The following PELI2 variants were observed in gnomAD, a reference collection of about 807,000 sequenced individuals.
PELI2 encodes pellino E3 ubiquitin protein ligase family member 2.
A neutral mutation model predicts 42.3 loss-of-function variants in PELI2; 23 were observed. The ratio of observed to expected loss-of-function variants is 0.54; its 90% confidence interval spans 0.39 to 0.77. PELI2 has a LOEUF of 0.77. PELI2 is among the 30% of genes least tolerant of loss of function. PELI2 has a pLI of 0.00. For missense variants in PELI2, 463 were observed against 553.2 expected (o/e 0.84, Z 1.64); for synonymous variants, 245 against 212.2 (o/e 1.15, Z -1.34).
chr14:56,144,701 T>G (rs1404387424), intron 1 of PELI2, among the ~76,000 whole-genome samples: 1 of 152,210 alleles, frequency 6.6e-6, no homozygotes, highest in Non-Finnish European at 1.5e-5. Flanking sequence ...ATGTATAAAA[T>G]TTTGTAAAGA....
intron 3 of PELI2, among the ~76,000 whole-genome samples, chr14:56,285,068 G>A (rs756807080): frequency 6.6e-6 from 1 of 152,188 alleles, no homozygotes; most frequent in African/African-American, 2.4e-5. Flanking sequence ...CAGGAGAGAG[G>A]TATAATCTGA....
At chr14:56,295,458 T>C (rs1188364758) in intron 5 of PELI2, among the ~76,000 whole-genome samples, 3 of 152,070 alleles carry the variant, frequency 2.0e-5, no homozygotes, top group South Asian at 2.1e-4. Context: ...CTCTCCTCCT[T>C]CTCCCTGCTG....
At chr14:56,263,096 AC>A (rs559775091) in intron 2 of PELI2, among the ~76,000 whole-genome samples, 20 of 152,090 alleles carry the variant, frequency 1.3e-4, no homozygotes, top group Non-Finnish European at 2.5e-4. Flanking sequence ...AGCTGGGATT[AC>A]GGGCGCCTGC....
In PELI2 at chr14:56,169,580, C is replaced by T. The variant is rs79661093; in HGVS notation, c.78-8755C>T. Among the ~76,000 whole-genome samples the T allele has an allele frequency of 2.8e-3, 419 of 152,266 alleles. 1 individual carries two copies. Among genetic ancestry groups the T allele is most frequent in the African/African-American group, 9.7e-3 (402 of 41,526 alleles). Reference sequence around the variant, plus strand: ...GCGTGGGGTGTGGAAGGGATGGTGTCAGTGATTCAGGACTGTTTCTTCTGT... The same window carrying T: ...GCGTGGGGTGTGGAAGGGATGGTGTTAGTGATTCAGGACTGTTTCTTCTGT... On this transcript the variant is annotated intron_variant, in intron 1 of 5. Transcript: ENST00000267460.
chr14:56,175,661 CT>C (rs1263983831), intron 1 of PELI2, among the ~76,000 whole-genome samples: 63 of 152,324 alleles, frequency 4.1e-4, no homozygotes, highest in African/African-American at 1.5e-3. Flanking sequence ...TTTGCTTAAC[CT>C]GCAATATCTG....
At chr14:56,167,606 A>G (rs1274908796) in intron 1 of PELI2, among the ~76,000 whole-genome samples, 1 of 152,246 alleles carries the variant, frequency 6.6e-6, no homozygotes, top group Non-Finnish European at 1.5e-5. Context: ...GAGTTTCCTC[A>G]TAAACAGCTA....
At chr14:56,275,563 A>G (rs919010430) in intron 2 of PELI2, among the ~76,000 whole-genome samples, 1 of 152,168 alleles carries the variant, frequency 6.6e-6, no homozygotes, top group Non-Finnish European at 1.5e-5. Context: ...CACAGTCTAG[A>G]TCCCTCACAT....
At position 56,300,345 on chromosome 14, in the gene PELI2, G is replaced by A. The variant is rs1011327046; in HGVS notation, c.*3179G>A. 10 of 152,390 alleles carry A rather than the reference G, an allele frequency of 6.6e-5. 1 individual carries two copies. Among genetic ancestry groups the A allele is most frequent in the Admixed American group, 6.6e-4 (10 of 15,258 alleles). The allele number at this position is 152,390 out of a possible 1,614,324, so 9.4% of individuals were successfully genotyped here. A position where few individuals can be genotyped will look rare whatever the true frequency, so the allele number is the denominator to read the frequency against. On this transcript the variant is annotated 3_prime_UTR_variant, in exon 6 of 6. Coordinates refer to ENST00000267460, the MANE Select transcript of PELI2 (RefSeq NM_021255.3). ...AACTGGCATAAACATGATTGTAGTA[G>A]AATTTATTTTCCAGTACCAATAGGG...
chr14:56,151,538 A>G (rs867350257), intron 1 of PELI2, among the ~76,000 whole-genome samples: 9 of 152,328 alleles, frequency 5.9e-5, no homozygotes, highest in South Asian at 2.1e-4. Context: ...TTGTTCAGCT[A>G]GGACCTGATG....
intron 2 of PELI2, among the ~76,000 whole-genome samples, chr14:56,214,130 G>C (rs1410628294): frequency 6.6e-6 from 1 of 152,172 alleles, no homozygotes; most frequent in Non-Finnish European, 1.5e-5. Context: ...TGGGATTACA[G>C]GTGTGAGCCA....
chr14:56,199,290 G>C (rs898134298), intron 2 of PELI2, among the ~76,000 whole-genome samples: 1 of 152,068 alleles, frequency 6.6e-6, no homozygotes, highest in African/African-American at 2.4e-5. Flanking sequence ...TGAATGTAGC[G>C]GTTCTGCCTG....
intron 1 of PELI2, among the ~76,000 whole-genome samples, chr14:56,149,960 A>G (rs1490097009): frequency 1.3e-5 from 2 of 152,118 alleles, no homozygotes; most frequent in Admixed American, 6.5e-5. Flanking sequence ...CTAACTCTCT[A>G]TGCTAGCTCC....
rs538649675 is a variant in PELI2, at chr14:56,123,191, T to A, written c.77+4454T>A. Among the ~76,000 whole-genome samples the A allele has an allele frequency of 6.4e-4, 97 of 151,716 alleles. No homozygotes were observed. The South Asian group carries it at 0.018, about 28-fold the overall frequency. Reference sequence around the variant, plus strand: ...GAGTTTATGGTCTTTTTTTTTTTTTTAAAAGCAGGTCCCACTTTCTGTATG... The same window carrying A: ...GAGTTTATGGTCTTTTTTTTTTTTTAAAAAGCAGGTCCCACTTTCTGTATG... On this transcript the variant is annotated intron_variant, in intron 1 of 5. Coordinates refer to ENST00000267460, the MANE Select transcript of PELI2 (RefSeq NM_021255.3).
intron 2 of PELI2, among the ~76,000 whole-genome samples, chr14:56,245,551 G>T (rs185780190): frequency 9.9e-5 from 15 of 152,206 alleles, no homozygotes; most frequent in Admixed American, 5.9e-4. Flanking sequence ...ATGCCTTAAG[G>T]GTTGGAGAGT....
chr14:56,274,160 T>C (rs1001396798), intron 2 of PELI2, among the ~76,000 whole-genome samples: 1 of 151,396 alleles, frequency 6.6e-6, no homozygotes, highest in African/African-American at 2.4e-5. Context: ...GTGGATGTCG[T>C]CAGGCTTTTT....
chr14:56,163,404 G>C (rs1284711996), intron 1 of PELI2, among the ~76,000 whole-genome samples: 4 of 152,030 alleles, frequency 2.6e-5, no homozygotes, highest in Admixed American at 2.0e-4. Flanking sequence ...TTTGTTTCAG[G>C]GTTCTCTATT....
chr14:56,126,129 A>G lies in PELI2; in HGVS notation c.77+7392A>G, dbSNP rs540102769. ...TCTTTTTGTCAGTCACCTAGCAGTC[A>G]TGTTGTCACCTGCAGAAAGTCCTGC... is the stretch of plus-strand genomic sequence containing the variant. On this transcript the variant is annotated intron_variant, in intron 1 of 5. Transcript: ENST00000267460. 3.9e-4 allele frequency among the ~76,000 whole-genome samples: 60 copies of G among 152,320 alleles called. 1 individual carries two copies. The highest frequency in any genetic ancestry group is 1.4e-3 in the African/African-American group (57 of 41,574).
chr14:56,128,926 A>G (rs977102297), intron 1 of PELI2, among the ~76,000 whole-genome samples: 8 of 151,988 alleles, frequency 5.3e-5, no homozygotes, highest in East Asian at 1.9e-4. Context: ...AGGGAATTCT[A>G]TGTCAGCAGA....
chr14:56,186,143 G>T (rs1885761448), intron 2 of PELI2, among the ~76,000 whole-genome samples: 2 of 152,162 alleles, frequency 1.3e-5, no homozygotes, highest in African/African-American at 4.8e-5. Context: ...GAGCAGGAGA[G>T]ATTTGGAGCA....
Sources: gnomAD v4.1 joint callset for allele counts (sites outside exome capture counted in the v4.1 genomes callset) on GRCh38, gnomAD v4.1.1 for gene constraint, MANE v1.5 for transcripts, NCBI Gene and HGNC (gene_info 2026-07-23, HGNC 2026-07-21) for gene names.